The following GALNT13 variants were observed in gnomAD, a reference collection of about 807,000 sequenced individuals.
The protein encoded by GALNT13 is UDP-GalNAc:polypeptide N-acetylgalactosaminyltransferase 13.
A neutral mutation model predicts 64.2 loss-of-function variants in GALNT13; 28 were observed. The observed-to-expected ratio is 0.44, with a 90% CI of 0.32 to 0.60. The LOEUF is 0.60. Among genes scored for constraint, GALNT13 ranks in the 20% least tolerant of loss-of-function variants. GALNT13 has a pLI of 0.05. For missense variants in GALNT13, 577 were observed against 669.8 expected (o/e 0.86, Z 1.53); for synonymous variants, 214 against 224.6 (o/e 0.95, Z 0.42).
chr2:153,921,906 A>AT (rs996893629), intron 2 of GALNT13, among the ~76,000 whole-genome samples: 7 of 152,166 alleles, frequency 4.6e-5, no homozygotes, highest in Non-Finnish European at 7.4e-5. Flanking sequence ...AATAAGATGA[A>AT]TAAAAAAAGG....
rs1691264874 is a variant in GALNT13, at chr2:154,269,956, GAAT to G, written c.975+10823_975+10825del. On this transcript the variant is annotated intron_variant, in intron 8 of 12. Coordinates refer to ENST00000392825, the MANE Select transcript of GALNT13 (RefSeq NM_052917.4). Reference sequence around the variant, plus strand: ...AAGCACAGGGTGAGTAGGTGTCACAGAATAATATTTCATTATGGTTCCTAATAG... The same window carrying G: ...AAGCACAGGGTGAGTAGGTGTCACAGAATATTTCATTATGGTTCCTAATAG... Among the ~76,000 whole-genome samples the G allele has an allele frequency of 3.2e-5, 3 of 93,898 alleles. No individual in the cohort carries two copies. In the South Asian group the frequency reaches 1.3e-3, roughly 41 times the overall value. 61.6% of individuals were successfully genotyped at this position (93,898 alleles called of 152,430 possible).
intron 3 of GALNT13, among the ~76,000 whole-genome samples, chr2:154,126,841 C>T (rs1230062364): frequency 2.6e-5 from 4 of 151,558 alleles, no homozygotes; most frequent in Non-Finnish European, 5.9e-5. Flanking sequence ...TTGGGGGTCT[C>T]CCATATGGGA....
the GALNT13 span, among the ~76,000 whole-genome samples, chr2:153,807,594 T>G: frequency 1.3e-5 from 2 of 152,068 alleles, no homozygotes; most frequent in Non-Finnish European, 2.9e-5. Context: ...TTGCTGTGTA[T>G]GCCAGACCTT....
At chr2:153,101,348 C>G in the GALNT13 span, among the ~76,000 whole-genome samples, 1 of 149,328 alleles carries the variant, frequency 6.7e-6, no homozygotes, top group Non-Finnish European at 1.5e-5. Context: ...TGTTTTGAAC[C>G]CATTGGGTCA....
chr2:154,088,191 G>A (rs10185861), intron 3 of GALNT13, among the ~76,000 whole-genome samples: 54,961 of 151,852 alleles, frequency 0.36, 10,313 homozygotes, highest in Non-Finnish European at 0.41. Flanking sequence ...TGATTTTGCA[G>A]TACTAAGGCC....
intron 3 of GALNT13, among the ~76,000 whole-genome samples, chr2:154,084,343 C>A (rs1701422540): frequency 6.6e-6 from 1 of 151,724 alleles, no homozygotes; most frequent in Non-Finnish European, 1.5e-5. Context: ...TTCTACTATA[C>A]CAGTTTGACT....
the GALNT13 span, among the ~76,000 whole-genome samples, chr2:153,839,594 G>T: frequency 6.6e-6 from 1 of 151,540 alleles, no homozygotes; most frequent in African/African-American, 2.4e-5. Context: ...TAAGAAAAAA[G>T]TATTAATTAT....
At chr2:154,429,423 T>C (rs1365521802) in intron 11 of GALNT13, among the ~76,000 whole-genome samples, 2 of 152,200 alleles carry the variant, frequency 1.3e-5, no homozygotes, top group African/African-American at 4.8e-5. Flanking sequence ...TCAAACAAGC[T>C]ATGAAATGCC....
chr2:154,276,218 CT>C (rs1249530976), intron 8 of GALNT13, among the ~76,000 whole-genome samples: 1 of 151,462 alleles, frequency 6.6e-6, no homozygotes, highest in Non-Finnish European at 1.5e-5. Context: ...TCTCTTTTCT[CT>C]TTTGTTTTCT....
the GALNT13 span, among the ~76,000 whole-genome samples, chr2:153,814,976 G>A: frequency 6.6e-6 from 1 of 152,160 alleles, no homozygotes; most frequent in Non-Finnish European, 1.5e-5. Context: ...TCTGCATAGA[G>A]AACTACAATT....
chr2:154,261,206 A>G (rs1411560830), intron 8 of GALNT13, among the ~76,000 whole-genome samples: 1 of 152,188 alleles, frequency 6.6e-6, no homozygotes, highest in Non-Finnish European at 1.5e-5. Context: ...TGTAAGAATA[A>G]TCAAATCCCT....
intron 4 of GALNT13, among the ~76,000 whole-genome samples, chr2:154,240,055 A>G (rs1232502093): frequency 2.0e-5 from 3 of 152,208 alleles, no homozygotes; most frequent in African/African-American, 7.2e-5. Flanking sequence ...AGAATATTTT[A>G]CATAAAAAAA....
chr2:153,483,929 A>T, the GALNT13 span, among the ~76,000 whole-genome samples: 1 of 152,172 alleles, frequency 6.6e-6, no homozygotes, highest in South Asian at 2.1e-4. Flanking sequence ...GTTTGGAATG[A>T]TGAAGAGTTT....
At chr2:154,173,071 CA>C (rs1200655923) in intron 4 of GALNT13, among the ~76,000 whole-genome samples, 1 of 151,952 alleles carries the variant, frequency 6.6e-6, no homozygotes, top group Non-Finnish European at 1.5e-5. Context: ...TACTTGACTT[CA>C]AAAGTTACTG....
At chr2:153,289,976 TG>T in the GALNT13 span, among the ~76,000 whole-genome samples, 5 of 152,172 alleles carry the variant, frequency 3.3e-5, no homozygotes, top group Non-Finnish European at 7.4e-5. Flanking sequence ...ATTTACCAGT[TG>T]TGTGGCCAAA....
At chr2:153,138,523 A>C in the GALNT13 span, among the ~76,000 whole-genome samples, 1 of 152,048 alleles carries the variant, frequency 6.6e-6, no homozygotes, top group Non-Finnish European at 1.5e-5. Flanking sequence ...AATATCATCG[A>C]TGTTTTTATT....
At position 154,318,081 on chromosome 2, in the gene GALNT13, C is replaced by T. The variant is rs185067013; in HGVS notation, c.1156+16492C>T. ...AAAAAGAGGTAATTAATTAAAAATACGCTATCTCTTTGGAGATAAAATTAT... is the reference window on the plus strand; with the variant it reads ...AAAAAGAGGTAATTAATTAAAAATATGCTATCTCTTTGGAGATAAAATTAT... On this transcript the variant is annotated intron_variant, in intron 9 of 12. Coordinates refer to ENST00000392825, the MANE Select transcript of GALNT13 (RefSeq NM_052917.4). Among the ~76,000 whole-genome samples the T allele has an allele frequency of 1.7e-4, 26 of 152,174 alleles. No homozygotes were observed. The South Asian group carries it at 2.7e-3, about 16-fold the overall frequency.
the GALNT13 span, among the ~76,000 whole-genome samples, chr2:153,136,929 T>C: frequency 4.6e-5 from 7 of 151,582 alleles, no homozygotes; most frequent in Non-Finnish European, 1.0e-4. Flanking sequence ...CAAACACAGC[T>C]CCATCTGCCT....
chr2:154,332,153 G>T (rs16836531), intron 9 of GALNT13, among the ~76,000 whole-genome samples: 39,999 of 151,866 alleles, frequency 0.26, 8,018 homozygotes, highest in East Asian at 0.55. Flanking sequence ...TTATGACCTT[G>T]TCTTTTATCT....
Sources: gnomAD v4.1 joint callset for allele counts (sites outside exome capture counted in the v4.1 genomes callset) on GRCh38, gnomAD v4.1.1 for gene constraint, MANE v1.5 for transcripts, NCBI Gene and HGNC (gene_info 2026-07-23, HGNC 2026-07-21) for gene names.